PTPRA: variants seen among roughly 807,000 people sequenced by gnomAD.
The protein encoded by PTPRA is protein tyrosine phosphatase receptor type A.
PTPRA carries 25 observed loss-of-function variants against 104.8 expected under a neutral mutation model. That is an observed-to-expected ratio of 0.24 (90% CI 0.17 to 0.33). The LOEUF (loss-of-function observed/expected upper bound fraction) is 0.33, where lower values mean the gene tolerates loss of function less well. Ranked by LOEUF, PTPRA falls within the 10% of genes least tolerant of loss-of-function variation. The probability of loss-of-function intolerance (pLI) is 1.00; values close to 1 mark genes in which losing one functional copy is unlikely to be tolerated. For missense variants in PTPRA, 765 were observed against 1,015.3 expected (o/e 0.75, Z 3.35); for synonymous variants, 323 against 368.9 (o/e 0.88, Z 1.43).
chr20:3,025,129 C>T (rs1404180059), intron 17 of PTPRA, among the ~76,000 whole-genome samples: 1 of 152,194 alleles, frequency 6.6e-6, no homozygotes, highest in Non-Finnish European at 1.5e-5. Context: ...TCTCAACACA[C>T]CTAAGGCATA....
chr20:2,981,280 G>T (rs980122560), intron 6 of PTPRA, among the ~76,000 whole-genome samples: 1 of 152,152 alleles, frequency 6.6e-6, no homozygotes, highest in African/African-American at 2.4e-5. Flanking sequence ...TGATCTCTTG[G>T]TGATACATAC....
chr20:2,975,630 A>G (rs1412740463), intron 6 of PTPRA, among the ~76,000 whole-genome samples: 1 of 152,222 alleles, frequency 6.6e-6, no homozygotes, highest in African/African-American at 2.4e-5. Context: ...AGTGTATAAA[A>G]TGTCAACCCT....
At chr20:2,904,525 CG>C (rs1011848304) in intron 1 of PTPRA, among the ~76,000 whole-genome samples, 1 of 151,600 alleles carries the variant, frequency 6.6e-6, no homozygotes, top group Non-Finnish European at 1.5e-5. Context: ...AAAAATTAGC[CG>C]GGCATGGTAG....
intron 1 of PTPRA, among the ~76,000 whole-genome samples, chr20:2,912,646 C>A (rs1488974693): frequency 6.6e-6 from 1 of 152,100 alleles, no homozygotes; most frequent in Admixed American, 6.6e-5. Flanking sequence ...CGACAAAAAA[C>A]CCTAATGTTT....
the PTPRA span, chr20:2,866,698 G>A: frequency 7.0e-7 from 1 of 1,419,168 alleles, no homozygotes; most frequent in Non-Finnish European, 9.6e-7. Flanking sequence ...ATGGTAGCAG[G>A]GCTGTCTGGT....
chr20:2,965,323 A>T, intron 5 of PTPRA, 121 bp downstream of exon 5: 1 of 1,008,884 alleles, frequency 9.9e-7, no homozygotes. Context: ...AAGTGAAGTA[A>T]TGAAACCTGT....
chr20:2,960,412 G>T (rs1190139499), intron 3 of PTPRA, among the ~76,000 whole-genome samples: 1 of 151,864 alleles, frequency 6.6e-6, no homozygotes, highest in Non-Finnish European at 1.5e-5. Context: ...ACCACATCCG[G>T]CTAATTTTTT....
At chr20:2,869,781 C>T (rs546489616), upstream of PTPRA, among the ~76,000 whole-genome samples, 1 of 152,210 alleles carries the variant, frequency 6.6e-6, no homozygotes, top group African/African-American at 2.4e-5. Flanking sequence ...GCCTGGCCAA[C>T]ATGGTGAAAC....
chr20:2,967,105 G>T (rs1170638234), intron 5 of PTPRA, among the ~76,000 whole-genome samples: 1 of 152,142 alleles, frequency 6.6e-6, no homozygotes, highest in Admixed American at 6.5e-5. Context: ...ACTGTATATA[G>T]AGGTTAAATG....
chr20:2,865,113 T>C, the PTPRA span: 3 of 1,614,140 alleles, frequency 1.9e-6, no homozygotes, highest in South Asian at 3.3e-5. The surrounding 1 kb of genome is among the most constrained non-coding windows in gnomAD (Gnocchi z 5.2). Flanking sequence ...TCCTGGTCCC[T>C]CATCCCCATC....
intron 10 of PTPRA, among the ~76,000 whole-genome samples, chr20:3,005,558 T>C (rs1014098422): frequency 1.3e-5 from 2 of 151,396 alleles, no homozygotes; most frequent in Admixed American, 1.3e-4. Flanking sequence ...CTCAAAAAAA[T>C]AAAGTAAAAG....
chr20:2,992,457 C>T lies in PTPRA; in HGVS notation c.738+3983C>T, dbSNP rs2063218745. 2.0e-5 allele frequency among the ~76,000 whole-genome samples: 3 copies of T among 152,252 alleles called. No individual in the cohort carries two copies. In the South Asian group the frequency reaches 6.2e-4, roughly 32 times the overall value. Reference sequence around the variant, plus strand: ...GCTTGAACCCGGGAGGCAGAGGTTGCATTGAGCCGAGACCACGCCATTGCA... The same window carrying T: ...GCTTGAACCCGGGAGGCAGAGGTTGTATTGAGCCGAGACCACGCCATTGCA... On this transcript the variant is annotated intron_variant, in intron 9 of 23. Transcript: ENST00000399903.
intron 4 of PTPRA, 111 bp downstream of exon 4, chr20:2,964,461 T>C (rs2061874007): frequency 2.1e-6 from 2 of 963,360 alleles, no homozygotes; most frequent in Non-Finnish European, 3.1e-6. Flanking sequence ...ATAAAAATTT[T>C]ATTCAAAGTG....
intron 3 of PTPRA, among the ~76,000 whole-genome samples, chr20:2,961,420 G>A (rs193216328): frequency 6.1e-4 from 93 of 152,208 alleles, no homozygotes; most frequent in African/African-American, 1.8e-3. Flanking sequence ...CTTATTTGCC[G>A]TACTGTTTAT....
At chr20:2,904,437 G>A (rs1395308377) in intron 1 of PTPRA, among the ~76,000 whole-genome samples, 6 of 152,012 alleles carry the variant, frequency 3.9e-5, no homozygotes, top group South Asian at 2.1e-4. Flanking sequence ...TTGGGAGGCC[G>A]AGGTGGGCGG....
intron 9 of PTPRA, among the ~76,000 whole-genome samples, chr20:2,995,947 T>C (rs2063377571): frequency 1.3e-5 from 2 of 152,174 alleles, no homozygotes; most frequent in African/African-American, 4.8e-5. Context: ...ATAACTAAAA[T>C]AGTAGTTGTG....
At chr20:2,910,039 TATATA>T (rs1365013151) in intron 1 of PTPRA, among the ~76,000 whole-genome samples, 7 of 123,356 alleles carry the variant, frequency 5.7e-5, no homozygotes, top group South Asian at 2.3e-4. Context: ...TATCATATCA[TATATA>T]ATATATATCA....
At chr20:2,900,946 G>A (rs1166990107) in intron 1 of PTPRA, among the ~76,000 whole-genome samples, 1 of 151,370 alleles carries the variant, frequency 6.6e-6, no homozygotes, top group African/African-American at 2.4e-5. Flanking sequence ...ACATCATTCA[G>A]TTGGAGCTAG....
intron 2 of PTPRA, among the ~76,000 whole-genome samples, chr20:2,944,121 AC>A (rs2061036916): frequency 6.7e-6 from 1 of 150,124 alleles, no homozygotes; most frequent in South Asian, 2.1e-4. Context: ...GCTCACTGTA[AC>A]CTCCGCCTCC....
Sources: allele counts gnomAD v4.1 joint callset (sites outside exome capture counted in the v4.1 genomes callset), GRCh38; gene constraint gnomAD v4.1.1; non-coding constraint Gnocchi (gnomAD v3.1); transcripts MANE v1.5; gene names NCBI Gene and HGNC (gene_info 2026-07-23, HGNC 2026-07-21).